Variants in MORC2 observed in about 807,000 individuals in gnomAD.
MORC2 encodes the protein ATPase MORC2.
In MORC2, 30 loss-of-function variants were observed where a neutral mutation model predicts 136.0. The ratio of observed to expected loss-of-function variants is 0.22; its 90% confidence interval spans 0.17 to 0.30. The LOEUF (loss-of-function observed/expected upper bound fraction) is 0.30, where lower values mean the gene tolerates loss of function less well. Among genes scored for constraint, MORC2 ranks in the 10% least tolerant of loss-of-function variants. MORC2 has a pLI of 1.00. For synonymous variants in MORC2, 439 were observed against 487.0 expected (o/e 0.90, Z 1.30); for missense variants, 922 against 1,333.1 (o/e 0.69, Z 4.80).
chr22:30,967,379 A>G, intron 1 of MORC2: 1 of 986,664 alleles, frequency 1.0e-6, no homozygotes, highest in Non-Finnish European at 1.2e-6. Flanking sequence ...TTTCTTCTTG[A>G]AAGTTGTCAT....
chr22:30,941,693 T>C lies in MORC2; in HGVS notation c.699-135A>G. ...TTCTGCTGCTGCCCTGAACTGGTGC[T>C]CCCTTAGTGTGAGCACCACATCCCG... On this transcript the variant is annotated intron_variant, in intron 8 of 25. Transcript: ENST00000397641. This position sits in a 1 kb window ranked among gnomAD's most constrained non-coding sequence, Gnocchi z 4.6. 1.5e-6 allele frequency: 2 copies of C among 1,328,622 alleles called. No individual in the cohort carries two copies. Among genetic ancestry groups the C allele is most frequent in the Non-Finnish European group, 2.0e-6 (2 of 978,026 alleles). The allele number at this position is 1,328,622 out of a possible 1,614,324, so 82.3% of individuals were successfully genotyped here.
intron 3 of MORC2, among the ~76,000 whole-genome samples, chr22:30,951,828 T>C (rs1395461511): frequency 6.6e-6 from 1 of 151,466 alleles, no homozygotes; most frequent in Admixed American, 6.6e-5. Flanking sequence ...TTTTTTGAAA[T>C]GGAGTCTCAC....
At position 30,949,741 on chromosome 22, in the gene MORC2, A is replaced by C; in HGVS notation, c.317+11T>G. The C allele has an allele frequency of 1.2e-6, 2 of 1,609,652 alleles. No individual in the cohort carries two copies. The highest frequency in any genetic ancestry group is 1.7e-6 in the Non-Finnish European group (2 of 1,176,070). ...TGTTTGAGCCCTGTGACAAGCTTCT[A>C]ATATACCTACGATTTTAACCCATTC... On this transcript the variant is annotated intron_variant, in intron 5 of 25. Coordinates refer to ENST00000397641, the MANE Select transcript of MORC2 (RefSeq NM_001303256.3).
chr22:30,968,320 GA>G lies in MORC2; in HGVS notation c.-432del, dbSNP rs1248004704. 6.3e-6 allele frequency: 1 copy of G among 157,804 alleles called. No homozygotes were observed. Among genetic ancestry groups the G allele is most frequent in the Admixed American group, 6.4e-5 (1 of 15,722 alleles). 9.8% of individuals were successfully genotyped at this position (157,804 alleles called of 1,614,324 possible). A position where few individuals can be genotyped will look rare whatever the true frequency, so the allele number is the denominator to read the frequency against. On this transcript the variant is annotated 5_prime_UTR_variant, in exon 1 of 26. Transcript: ENST00000397641. Reference sequence around the variant, plus strand: ...TCCTGTCAGGAAATTTACCAACGCGGAAATTTACCCACTTCTGTCAGAAAAC... The same window carrying G: ...TCCTGTCAGGAAATTTACCAACGCGGAATTTACCCACTTCTGTCAGAAAAC...
chr22:30,952,434 CT>C lies in MORC2; in HGVS notation c.158-1990del, dbSNP rs565789280. Among the ~76,000 whole-genome samples the C allele has an allele frequency of 5.4e-3, 820 of 152,336 alleles. 4 individuals carry two copies. Among genetic ancestry groups the C allele is most frequent in the Non-Finnish European group, 8.3e-3 (564 of 68,036 alleles). ...GTGTTAGGATAGAACTCTTAGGCTGCTTTAGCACACAATCATCACTTAACAG... is the reference window on the plus strand; with the variant it reads ...GTGTTAGGATAGAACTCTTAGGCTGCTTAGCACACAATCATCACTTAACAG... On this transcript the variant is annotated intron_variant, in intron 3 of 25. Coordinates refer to ENST00000397641, the MANE Select transcript of MORC2 (RefSeq NM_001303256.3).
intron 1 of MORC2, among the ~76,000 whole-genome samples, chr22:30,962,150 C>A (rs538680422): frequency 6.7e-6 from 1 of 150,240 alleles, no homozygotes. Flanking sequence ...TGCAGTGAGC[C>A]GACATTGTGA....
intron 6 of MORC2, among the ~76,000 whole-genome samples, chr22:30,943,065 T>C (rs891428510): frequency 1.2e-4 from 19 of 152,048 alleles, no homozygotes; most frequent in African/African-American, 4.3e-4. Flanking sequence ...CAAATTAAAC[T>C]GTACAATGGA....
At chr22:30,936,439 C>A in intron 17 of MORC2, 72 bp downstream of exon 17, 1 of 1,580,152 alleles carries the variant, frequency 6.3e-7, no homozygotes, top group South Asian at 1.2e-5. Flanking sequence ...AACAGGAAAG[C>A]TACTGAAGGT....
Position 30,938,206 on chromosome 22 carries a change from C to A in MORC2, c.1074-1G>T. The A allele has an allele frequency of 1.2e-5, 18 of 1,530,478 alleles. No homozygotes were observed. The African/African-American group carries it at 1.2e-4, about 10-fold the overall frequency. The allele number at this position is 1,530,478 out of a possible 1,614,324, so 94.8% of individuals were successfully genotyped here. A position where few individuals can be genotyped will look rare whatever the true frequency, so the allele number is the denominator to read the frequency against. On this transcript the variant is annotated splice_acceptor_variant, in intron 12 of 25. Coordinates refer to ENST00000397641, the MANE Select transcript of MORC2 (RefSeq NM_001303256.3). LOFTEE classifies it high-confidence loss of function. Reference sequence around the variant, plus strand: ...CAGTTCCTTAGGTTCTTTAAGTGCTCTAAGAAGACAAAAAAACTCAAGCAG... The same window carrying A: ...CAGTTCCTTAGGTTCTTTAAGTGCTATAAGAAGACAAAAAAACTCAAGCAG...
At position 30,926,808 on chromosome 22, in the gene MORC2, C is replaced by A. The variant is rs2040491146; in HGVS notation, c.3094G>T (p.Asp1032Tyr). 11 of 1,613,108 alleles carry A rather than the reference C, an allele frequency of 6.8e-6. No homozygotes were observed. In the East Asian group the frequency reaches 2.5e-4, roughly 36 times the overall value. ...AYIEDLITKG[D>Y] is the part of the protein sequence containing the mutation. ...AGCTGCTCTCTCTCCTGCCTTCAGT[C>A]CCCCTTGGTGATGAGGTCCTCAATG... Residue 1032 changes from aspartate to tyrosine, a missense_variant, in exon 26 of 26, where the codon GAC becomes TAC. By Grantham distance (160) the Asp-to-Tyr change is radical. Coordinates refer to ENST00000397641, the MANE Select transcript of MORC2 (RefSeq NM_001303256.3).
chr22:30,943,186 C>T (rs927564022), intron 6 of MORC2, among the ~76,000 whole-genome samples: 5 of 152,036 alleles, frequency 3.3e-5, no homozygotes, highest in Non-Finnish European at 7.4e-5. Flanking sequence ...CAGTAAGAGT[C>T]CATTTCTAAA....
In MORC2 at chr22:30,935,004, G is replaced by A. The variant is rs2040631548; in HGVS notation, c.1970C>T (p.Ala657Val). Residue 657 changes from alanine (A) to valine (V), a missense_variant, in exon 19 of 26, where the codon GCA (alanine) becomes GTA (valine). Transcript: ENST00000397641. ...ISSTPKLPAL[A>V]AREEASTSRL... Reference sequence around the variant, plus strand: ...AGATGTGCTGGCCTCCTCCCGGGCTGCCAAAGCAGGGAGCTTTGGGGTACT... The same window carrying A: ...AGATGTGCTGGCCTCCTCCCGGGCTACCAAAGCAGGGAGCTTTGGGGTACT... 1.2e-6 allele frequency: 2 copies of A among 1,614,018 alleles called. No homozygotes were observed. The highest frequency in any genetic ancestry group is 2.2e-5 in the East Asian group (1 of 44,884).
At chr22:30,935,390 G>C (rs1484753059) in intron 17 of MORC2, 68 bp from the exon 18 acceptor site, 2 of 1,487,848 alleles carry the variant, frequency 1.3e-6, no homozygotes, top group African/African-American at 2.8e-5. Flanking sequence ...TTTTTGGATA[G>C]TGTCTGGAAC....
Position 30,935,099 on chromosome 22 carries a change from G to A in MORC2, c.1875C>T (p.Ala625=), listed in dbSNP as rs768154012. The change falls in exon 19 of 26, where the codon GCC becomes GCT. Residue 625 remains alanine, a synonymous_variant. Coordinates refer to ENST00000397641, the MANE Select transcript of MORC2 (RefSeq NM_001303256.3). ...TTGGCAAAGAAGGGGGTCTGCTGGG[G>A]GCGTTCCTGATCACAGCAGGTAAAG... ...SPPLPAVIRN[A]PSRPPSLPTP... 7.4e-6 allele frequency: 12 copies of A among 1,613,926 alleles called. No homozygotes were observed. The highest frequency in any genetic ancestry group is 1.0e-5 in the Non-Finnish European group (12 of 1,179,994).
intron 3 of MORC2, among the ~76,000 whole-genome samples, chr22:30,953,111 G>A (rs1223294088): frequency 2.6e-5 from 4 of 152,192 alleles, no homozygotes; most frequent in East Asian, 1.9e-4. Context: ...ACTCGAAGGC[G>A]TCCCTGCTCA....
chr22:30,956,057 TTAGTATTCAAATGACTAAAAAAGGTGC>T (rs2040963378), intron 3 of MORC2, among the ~76,000 whole-genome samples: 1 of 151,932 alleles, frequency 6.6e-6, no homozygotes, highest in Non-Finnish European at 1.5e-5. Context: ...TTTCAAATTT[TTAGTATTCAAATGACTAAAAAAGGTGC>T]TAGTACAAAT....
At chr22:30,949,083 T>C (rs1399032390) in intron 5 of MORC2, among the ~76,000 whole-genome samples, 1 of 152,176 alleles carries the variant, frequency 6.6e-6, no homozygotes, top group Non-Finnish European at 1.5e-5. Context: ...CCAATTCCAC[T>C]AAATCTTATT....
intron 24 of MORC2, among the ~76,000 whole-genome samples, chr22:30,931,771 C>T (rs1329083732): frequency 1.3e-5 from 2 of 152,244 alleles, no homozygotes; most frequent in Non-Finnish European, 1.5e-5. Context: ...TGCTCCTGCC[C>T]CCATGTCCAG....
Position 30,932,134 on chromosome 22 carries a change from T to G in MORC2, c.2841+225A>C. ...TCCTAGCACCTGTGGTGGGAAGGGG[T>G]TGGCTTTCTGCACACCAGAGTCATA... On this transcript the variant is annotated intron_variant, in intron 24 of 25. Transcript: ENST00000397641. The surrounding 1 kb of genome is among the most constrained non-coding windows in gnomAD (Gnocchi z 4.4). 1.3e-5 allele frequency: 6 copies of G among 478,194 alleles called. No homozygotes were observed. Among genetic ancestry groups the G allele is most frequent in the East Asian group, 3.6e-5 (1 of 27,732 alleles). The allele number at this position is 478,194 out of a possible 1,614,324, so 29.6% of individuals were successfully genotyped here. A position where few individuals can be genotyped will look rare whatever the true frequency, so the allele number is the denominator to read the frequency against.
Sources: gnomAD v4.1 joint callset for allele counts (sites outside exome capture counted in the v4.1 genomes callset) on GRCh38, gnomAD v4.1.1 for gene constraint, Gnocchi (gnomAD v3.1) non-coding constraint, MANE v1.5 for transcripts, NCBI Gene and HGNC (gene_info 2026-07-23, HGNC 2026-07-21) for gene names.